Variants in MTUS1 observed in about 807,000 individuals in gnomAD.
MTUS1 encodes the protein microtubule associated scaffold protein 1.
MTUS1 carries 109 observed loss-of-function variants against 120.8 expected under a neutral mutation model. The ratio of observed to expected loss-of-function variants is 0.90; its 90% CI spans 0.77 to 1.06. The LOEUF (loss-of-function observed/expected upper bound fraction) is 1.06, where lower values mean the gene tolerates loss of function less well. MTUS1 is among the 50% of genes least tolerant of loss of function. MTUS1 has a pLI of 0.00. For missense variants in MTUS1, 2,210 were observed against 1,486.3 expected, an observed-to-expected ratio of 1.49 and a Z score of -8.01; for synonymous variants, 737 against 550.5, an observed-to-expected ratio of 1.34 and a Z score of -4.74.
intron 4 of MTUS1, among the ~76,000 whole-genome samples, chr8:17,721,319 C>T (rs1313245000): frequency 6.6e-6 from 1 of 152,112 alleles, no homozygotes; most frequent in Non-Finnish European, 1.5e-5. Flanking sequence ...TCAGTTACAA[C>T]TTAGGAAAAT....
At chr8:17,709,151 A>G (rs1433812328) in intron 6 of MTUS1, among the ~76,000 whole-genome samples, 3 of 148,494 alleles carry the variant, frequency 2.0e-5, no homozygotes, top group African/African-American at 7.5e-5. Context: ...AAAAAAAAAG[A>G]AAAAGAATTC....
intron 1 of MTUS1, among the ~76,000 whole-genome samples, chr8:17,793,214 T>A (rs762330171): frequency 6.6e-6 from 1 of 152,198 alleles, no homozygotes; most frequent in Non-Finnish European, 1.5e-5. Context: ...GTATGCCAGA[T>A]GTTCTCAAAC....
rs182022278 is a variant in MTUS1, at chr8:17,769,874, C to T, written c.-154-13913G>A. Among the ~76,000 whole-genome samples, 912 of 137,718 alleles carry T rather than the reference C, an allele frequency of 6.6e-3. 10 individuals are homozygous for T. Among genetic ancestry groups the T allele is most frequent in the African/African-American group, 0.023 (851 of 36,874 alleles). 90.3% of individuals were successfully genotyped at this position (137,718 alleles called of 152,430 possible). A position where few individuals can be genotyped will look rare whatever the true frequency, so the allele number is the denominator to read the frequency against. On this transcript the variant is annotated intron_variant, in intron 1 of 14. Transcript: ENST00000693296. ...TCTCTCTCTGACCCACTGCCACACT[C>T]TTTGCTTACACACACACACACACAC...
At chr8:17,749,405 T>C (rs971169326) in intron 2 of MTUS1, among the ~76,000 whole-genome samples, 1 of 151,954 alleles carries the variant, frequency 6.6e-6, no homozygotes, top group Admixed American at 6.6e-5. Flanking sequence ...AAACCTGTAA[T>C]CCCAGCACTT....
At position 17,644,398 on chromosome 8, in the gene MTUS1, T is replaced by C. The variant is rs4921798; in HGVS notation, c.*1528A>G. On this transcript the variant is annotated 3_prime_UTR_variant, in exon 15 of 15. Coordinates refer to ENST00000693296, the MANE Select transcript of MTUS1 (RefSeq NM_001363059.2). ...CTGTTATTTGTACAGCCACTGAATGTAGATTAGTAAATACTGACATCACAA... is the reference window on the plus strand; with the variant it reads ...CTGTTATTTGTACAGCCACTGAATGCAGATTAGTAAATACTGACATCACAA... 0.11 allele frequency: 17,419 copies of C among 152,716 alleles called. 1,332 individuals carry two copies. The highest frequency in any genetic ancestry group is 0.28 in the Middle Eastern group (81 of 294). The allele number at this position is 152,716 out of a possible 1,614,324, so 9.5% of individuals were successfully genotyped here. A position where few individuals can be genotyped will look rare whatever the true frequency, so the allele number is the denominator to read the frequency against.
intron 1 of MTUS1, among the ~76,000 whole-genome samples, chr8:17,764,718 G>T (rs561199964): frequency 6.6e-6 from 1 of 152,188 alleles, no homozygotes; most frequent in Non-Finnish European, 1.5e-5. Context: ...ATGAACAAGC[G>T]CAACTGCATC....
chr8:17,682,053 G>C (rs1048341660), intron 7 of MTUS1, among the ~76,000 whole-genome samples: 1 of 152,132 alleles, frequency 6.6e-6, no homozygotes. Flanking sequence ...CGAATGCTCA[G>C]TCTCATATGG....
intron 3 of MTUS1, among the ~76,000 whole-genome samples, chr8:17,732,141 T>C (rs1364472637): frequency 6.6e-6 from 1 of 152,168 alleles, no homozygotes; most frequent in Non-Finnish European, 1.5e-5. Context: ...CTAGCAGCCA[T>C]ATTTTAACTG....
At position 17,687,292 on chromosome 8, in the gene MTUS1, C is replaced by T. The variant is rs115884210; in HGVS notation, c.2624-2750G>A. Reference sequence around the variant, plus strand: ...CAGCCGATGACCCAGTTTCCACATGCTTCCCACTCTCAGCACTCCTGGCTC... The same window carrying T: ...CAGCCGATGACCCAGTTTCCACATGTTTCCCACTCTCAGCACTCCTGGCTC... On this transcript the variant is annotated intron_variant, in intron 6 of 14. Transcript: ENST00000693296. Among the ~76,000 whole-genome samples, 899 of 152,222 alleles carry T rather than the reference C, an allele frequency of 5.9e-3. 5 individuals carry two copies. The highest frequency in any genetic ancestry group is 0.02 in the African/African-American group (842 of 41,518).
chr8:17,686,260 C>G (rs1339029025), intron 6 of MTUS1, among the ~76,000 whole-genome samples: 3 of 152,188 alleles, frequency 2.0e-5, no homozygotes, highest in Non-Finnish European at 4.4e-5. Context: ...TCTGTTCCCA[C>G]ACATTTTGGA....
chr8:17,655,725 T>C lies in MTUS1; in HGVS notation c.3108+138A>G, dbSNP rs1041735751. On this transcript the variant is annotated intron_variant, in intron 9 of 14. Transcript: ENST00000693296. ...CAGCCTGGGAGACAGAGTGGGACTC[T>C]GTCTTAAATAAACAACAACAACATG... 6.6e-6 allele frequency: 5 copies of C among 755,880 alleles called. No individual in the cohort carries two copies. The African/African-American group carries it at 8.8e-5, about 13-fold the overall frequency. The allele number at this position is 755,880 out of a possible 1,614,324, so 46.8% of individuals were successfully genotyped here.
At chr8:17,679,498 TA>T (rs1563188317) in intron 7 of MTUS1, among the ~76,000 whole-genome samples, 38 of 96,266 alleles carry the variant, frequency 3.9e-4, no homozygotes, top group African/African-American at 1.2e-3. Context: ...TTTATTTATT[TA>T]TTTATTTATT....
intron 1 of MTUS1, among the ~76,000 whole-genome samples, chr8:17,793,609 G>A (rs901636288): frequency 2.9e-4 from 44 of 152,164 alleles, no homozygotes; most frequent in African/African-American, 1.1e-3. Context: ...CTATCCTTAA[G>A]GAGCTTACAA....
intron 4 of MTUS1, among the ~76,000 whole-genome samples, chr8:17,719,025 C>G (rs768611534): frequency 2.0e-5 from 3 of 152,016 alleles, no homozygotes; most frequent in Admixed American, 2.0e-4. Context: ...CAAATATTAG[C>G]TGGACGTGGT....
chr8:17,680,028 G>A (rs1814019912), intron 7 of MTUS1, among the ~76,000 whole-genome samples: 1 of 152,138 alleles, frequency 6.6e-6, no homozygotes, highest in African/African-American at 2.4e-5. Context: ...CCTGCCTTCA[G>A]TAAATTTCCT....
intron 6 of MTUS1, chr8:17,704,320 T>C (rs1348409288): frequency 1.3e-5 from 2 of 152,226 alleles, no homozygotes; most frequent in African/African-American, 4.8e-5. Flanking sequence ...TTTTTGCTTT[T>C]GTTACCTGGG....
At chr8:17,724,367 A>G (rs1225756996) in intron 3 of MTUS1, among the ~76,000 whole-genome samples, 1 of 152,230 alleles carries the variant, frequency 6.6e-6, no homozygotes, top group Non-Finnish European at 1.5e-5. Context: ...CTTTAACAAA[A>G]TTCTCCTGAG....
Position 17,653,253 on chromosome 8 carries a change from T to C in MTUS1, c.3317A>G (p.Asn1106Ser), listed in dbSNP as rs943591834. 5.1e-6 allele frequency: 8 copies of C among 1,559,926 alleles called. No homozygotes were observed. Among genetic ancestry groups the C allele is most frequent in the Non-Finnish European group, 6.9e-6 (8 of 1,157,796 alleles). Reference protein sequence around the residue: ...EKQINDLKSENDALNEKLKSE... With the variant: ...EKQINDLKSESDALNEKLKSE... ...TTTCAATTTTTCATTTAAAGCATCA[T>C]TTTCACTCTTCAGATCATTGATTTG... Residue 1106 changes from asparagine to serine, a missense_variant, in exon 12 of 15, where the codon AAT (asparagine) becomes AGT (serine). Physicochemically the swap from Asn to Ser is conservative, Grantham distance 46. Coordinates refer to ENST00000693296, the MANE Select transcript of MTUS1 (RefSeq NM_001363059.2).
chr8:17,729,945 G>C (rs1374688268), intron 3 of MTUS1, among the ~76,000 whole-genome samples: 1 of 146,642 alleles, frequency 6.8e-6, no homozygotes, highest in African/African-American at 2.5e-5. Flanking sequence ...AATCACAATC[G>C]CGCGAGATAC....
Sources: allele counts gnomAD v4.1 joint callset (sites outside exome capture counted in the v4.1 genomes callset), GRCh38; gene constraint gnomAD v4.1.1; transcripts MANE v1.5; gene names NCBI Gene and HGNC (gene_info 2026-07-23, HGNC 2026-07-21).